UGT2B10: variants seen among roughly 807,000 people sequenced by gnomAD.
UGT2B10 encodes UDP glucuronosyltransferase family 2 member B10, also known as UDP-glucuronosyltransferase 2B10.
Under a neutral mutation model 43.7 loss-of-function variants are expected in UGT2B10, and 51 were observed. The observed-to-expected ratio is 1.17, with a 90% confidence interval of 0.93 to 1.47. The LOEUF (loss-of-function observed/expected upper bound fraction) is 1.47. Ranked by LOEUF, UGT2B10 falls within the 40% of genes most tolerant of loss-of-function variation. The pLI is 0.00. For synonymous variants in UGT2B10, 225 were observed against 209.0 expected, an observed-to-expected ratio of 1.08 and a Z score of -0.66; for missense variants, 696 against 617.7, an observed-to-expected ratio of 1.13 and a Z score of -1.34.
intron 3 of UGT2B10, among the ~76,000 whole-genome samples, chr4:68,822,631 A>G (rs1395268466): frequency 6.6e-6 from 1 of 152,074 alleles, no homozygotes; most frequent in Non-Finnish European, 1.5e-5. Flanking sequence ...AGTGATTCCT[A>G]TTAGCATCAG....
chr4:68,820,070 C>G (rs1407276105), intron 2 of UGT2B10, among the ~76,000 whole-genome samples: 2 of 151,978 alleles, frequency 1.3e-5, no homozygotes, highest in Non-Finnish European at 2.9e-5. Context: ...CTACCCTACT[C>G]TTGAAAGATT....
chr4:68,827,642 A>T (rs1348054773), intron 5 of UGT2B10, 94 bp downstream of exon 5: 3 of 1,535,406 alleles, frequency 2.0e-6, no homozygotes, highest in Admixed American at 2.1e-5. Context: ...TAAGAGAGTG[A>T]TTTTGAAAGA....
At chr4:68,828,782 A>G (rs1407152798) in intron 5 of UGT2B10, among the ~76,000 whole-genome samples, 1 of 152,058 alleles carries the variant, frequency 6.6e-6, no homozygotes, top group African/African-American at 2.4e-5. Flanking sequence ...TGAATAGTTA[A>G]TAGTCATTTG....
chr4:68,821,702 A>G (rs1398311684), intron 2 of UGT2B10, among the ~76,000 whole-genome samples: 3 of 152,164 alleles, frequency 2.0e-5, no homozygotes, highest in African/African-American at 4.8e-5. Context: ...GAAAACTCTG[A>G]CAAATTTTAA....
chr4:68,825,932 T>C (rs1737749466), intron 3 of UGT2B10, among the ~76,000 whole-genome samples: 1 of 152,094 alleles, frequency 6.6e-6, no homozygotes, highest in Non-Finnish European at 1.5e-5. Context: ...TCCACAATGA[T>C]TGAACTAACT....
At chr4:68,817,981 A>T in intron 1 of UGT2B10, 48 bp from the exon 2 acceptor site, 1 of 1,565,558 alleles carries the variant, frequency 6.4e-7, no homozygotes, top group Non-Finnish European at 8.6e-7. Context: ...AATTACATAA[A>T]GTAATTATCT....
intron 3 of UGT2B10, among the ~76,000 whole-genome samples, chr4:68,824,893 T>A (rs1269702010): frequency 6.6e-6 from 1 of 152,122 alleles, no homozygotes; most frequent in Non-Finnish European, 1.5e-5. Context: ...CTTATTTCTA[T>A]GCCAAAAAAA....
At chr4:68,816,883 A>C in intron 1 of UGT2B10, 146 bp downstream of exon 1, 10 of 789,202 alleles carry the variant, frequency 1.3e-5, no homozygotes, top group Non-Finnish European at 1.7e-5. Context: ...TACCAATCTC[A>C]CAAATATTAT....
At chr4:68,820,990 A>C (rs933088257) in intron 2 of UGT2B10, among the ~76,000 whole-genome samples, 4 of 152,112 alleles carry the variant, frequency 2.6e-5, no homozygotes, top group Non-Finnish European at 5.9e-5. Context: ...AAGATGAAAC[A>C]CTGAACACGA....
intron 3 of UGT2B10, among the ~76,000 whole-genome samples, chr4:68,824,766 T>C (rs530873973): frequency 8.5e-4 from 130 of 152,272 alleles, no homozygotes; most frequent in African/African-American, 3.0e-3. Flanking sequence ...TTAATCACTG[T>C]TGTCAAAGCT....
rs759045723 is a variant in UGT2B10, at chr4:68,830,838, T to C, written c.1546T>C (p.Trp516Arg). Residue 516 changes from tryptophan (W) to arginine (R), a missense_variant, in exon 6 of 6, where the codon TGG becomes CGG. Trp to Arg is a moderately radical substitution (Grantham distance 101). Coordinates refer to ENST00000265403, the MANE Select transcript of UGT2B10 (RefSeq NM_001075.6). ...CACAAAGTGTTGTCTGTTTTGTTTCTGGAAGTTTGCTAGAAAAGGAAAGAA... is the reference window on the plus strand; with the variant it reads ...CACAAAGTGTTGTCTGTTTTGTTTCCGGAAGTTTGCTAGAAAAGGAAAGAA... Reference protein sequence around the residue: ...IITKCCLFCFWKFARKGKKGK... With the variant: ...IITKCCLFCFRKFARKGKKGK... The C allele has an allele frequency of 6.8e-6, 11 of 1,612,988 alleles. No homozygotes were observed.
Position 68,830,597 on chromosome 4 carries a change from C to T in UGT2B10, c.1308-3C>T. The T allele has an allele frequency of 6.2e-7, 1 of 1,603,706 alleles. No homozygotes were observed. The highest frequency in any genetic ancestry group is 2.2e-5 in the East Asian group (1 of 44,604). On this transcript the variant is annotated splice_region_variant and splice_polypyrimidine_tract_variant and intron_variant, in intron 5 of 5. Coordinates refer to ENST00000265403, the MANE Select transcript of UGT2B10 (RefSeq NM_001075.6). The stretch of plus-strand genomic sequence containing the variant: ...TGTCGGTATCTTTATTTTTATCCTT[C>T]AGATATAAAGAGAATATTATGAAAT...
In UGT2B10 at chr4:68,816,043, T is replaced by A. The variant is rs745940718; in HGVS notation, c.24T>A (p.Val8=). Residue 8 remains valine (V), a synonymous_variant, in exon 1 of 6, where the codon GTT becomes GTA. Coordinates refer to ENST00000265403, the MANE Select transcript of UGT2B10 (RefSeq NM_001075.6). ...GGATGGCTCTGAAATGGACTACAGT[T>A]CTGCTGATACAACTCAGTTTTTACT... The part of the protein sequence containing the change: MALKWTT[V]LLIQLSFYFS... 6.8e-6 allele frequency: 11 copies of A among 1,612,886 alleles called. No individual in the cohort carries two copies. The South Asian group carries it at 9.9e-5, about 14-fold the overall frequency.
chr4:68,821,794 T>C (rs1425399886), intron 2 of UGT2B10, among the ~76,000 whole-genome samples: 16 of 152,168 alleles, frequency 1.1e-4, no homozygotes, highest in Admixed American at 9.2e-4. Flanking sequence ...TCAGTACTCA[T>C]AGTTAGGGAA....
At position 68,818,151 on chromosome 4, in the gene UGT2B10, T is replaced by G; in HGVS notation, c.841T>G (p.Cys281Gly). Residue 281 changes from cysteine to glycine, a missense_variant, in exon 2 of 6, where the codon TGC (cysteine) becomes GGC (glycine). Physicochemically the swap from Cys to Gly is radical, Grantham distance 159 (BLOSUM62 -3). Coordinates refer to ENST00000265403, the MANE Select transcript of UGT2B10 (RefSeq NM_001075.6). ...TGTTGATTTTGTTGGAGGACTCCAC[T>G]GCAAACCTGCCAAACCCCTACCTAA... ...PNVDFVGGLH[C>G]KPAKPLPKEM... 4.3e-6 allele frequency: 7 copies of G among 1,610,718 alleles called. No individual in the cohort carries two copies. Among genetic ancestry groups the G allele is most frequent in the Non-Finnish European group, 5.1e-6 (6 of 1,178,130 alleles).
chr4:68,820,112 C>A (rs1737420097), intron 2 of UGT2B10, among the ~76,000 whole-genome samples: 1 of 151,826 alleles, frequency 6.6e-6, no homozygotes, highest in Non-Finnish European at 1.5e-5. Context: ...ACTGACAGTG[C>A]CAGTAGAAGG....
intron 3 of UGT2B10, among the ~76,000 whole-genome samples, chr4:68,825,653 C>T (rs150363495): frequency 0.022 from 3,398 of 152,134 alleles, 60 homozygotes; most frequent in Middle Eastern, 0.061. Flanking sequence ...ATCCTTATCC[C>T]TGCAAAATAC....
At chr4:68,816,824 A>G (rs1737238330) in intron 1 of UGT2B10, 87 bp downstream of exon 1, 1 of 1,145,968 alleles carries the variant, frequency 8.7e-7, no homozygotes, top group Non-Finnish European at 1.2e-6. Context: ...AAGTCAGGGA[A>G]GTGGAGTTTT....
rs1738082901 is a variant in UGT2B10, at chr4:68,831,178, C to A, written c.*299C>A. 6.5e-6 allele frequency: 2 copies of A among 309,766 alleles called. No individual in the cohort carries two copies. The highest frequency in any genetic ancestry group is 1.2e-5 in the Non-Finnish European group (2 of 170,186). The allele number at this position is 309,766 out of a possible 1,614,324, so 19.2% of individuals were successfully genotyped here. On this transcript the variant is annotated 3_prime_UTR_variant, in exon 6 of 6. Transcript: ENST00000265403. Reference sequence around the variant, plus strand: ...ATGTGATCATGGCTCACTTCAGCCTCAACTTACTAAGCTCAAGAGGTTCTC... The same window carrying A: ...ATGTGATCATGGCTCACTTCAGCCTAAACTTACTAAGCTCAAGAGGTTCTC...
Sources: allele counts gnomAD v4.1 joint callset (sites outside exome capture counted in the v4.1 genomes callset), GRCh38; gene constraint gnomAD v4.1.1; transcripts MANE v1.5; gene names NCBI Gene and HGNC (gene_info 2026-07-23, HGNC 2026-07-21).